The following SPAG16 variants were observed in gnomAD, a reference collection of about 807,000 sequenced individuals.
SPAG16 encodes the protein sperm associated antigen 16.
In SPAG16, 86 loss-of-function variants were observed where a neutral mutation model predicts 80.4. The observed-to-expected ratio is 1.07, with a 90% CI of 0.90 to 1.28. SPAG16 has a LOEUF of 1.28. SPAG16 is among the 50% of genes most tolerant of loss of function. SPAG16 has a pLI of 0.00. For synonymous variants in SPAG16, 294 were observed against 265.9 expected (o/e 1.11, Z -1.03); for missense variants, 870 against 765.3 (o/e 1.14, Z -1.61).
intron 9 of SPAG16, among the ~76,000 whole-genome samples, chr2:213,384,798 A>G (rs1421050254): frequency 6.6e-6 from 1 of 152,208 alleles, no homozygotes; most frequent in Non-Finnish European, 1.5e-5. Context: ...CTGGTCGTAC[A>G]GATTGAACAT....
chr2:213,900,659 T>C (rs1328524392), intron 11 of SPAG16, among the ~76,000 whole-genome samples: 1 of 152,190 alleles, frequency 6.6e-6, no homozygotes, highest in South Asian at 2.1e-4. Flanking sequence ...TTTAGACTAA[T>C]TGTTCTGTTA....
chr2:213,851,727 G>A (rs1011628003), intron 10 of SPAG16, among the ~76,000 whole-genome samples: 2 of 152,118 alleles, frequency 1.3e-5, no homozygotes, highest in African/African-American at 4.8e-5. Flanking sequence ...TATACAATAT[G>A]TATAAGGTTG....
chr2:213,448,479 T>G (rs2071484245), intron 9 of SPAG16, among the ~76,000 whole-genome samples: 1 of 152,188 alleles, frequency 6.6e-6, no homozygotes, highest in Non-Finnish European at 1.5e-5. Flanking sequence ...GTAGTAAATT[T>G]TGGAATCATG....
At chr2:213,374,558 T>G (rs1416216942) in intron 8 of SPAG16, among the ~76,000 whole-genome samples, 1 of 152,016 alleles carries the variant, frequency 6.6e-6, no homozygotes. Context: ...TTTTGAATAT[T>G]ACCCTGTGTT....
chr2:214,002,823 G>T (rs2046853859), intron 12 of SPAG16, among the ~76,000 whole-genome samples: 1 of 152,108 alleles, frequency 6.6e-6, no homozygotes, highest in African/African-American at 2.4e-5. Flanking sequence ...ATTGGCGAGG[G>T]ACATCTCCTT....
intron 14 of SPAG16, among the ~76,000 whole-genome samples, chr2:214,131,897 G>A (rs185066714): frequency 5.7e-4 from 86 of 152,184 alleles, no homozygotes; most frequent in Non-Finnish European, 1.0e-3. Flanking sequence ...CCCATAGAAC[G>A]TACACCACCA....
chr2:213,935,421 A>G (rs1040033813), intron 12 of SPAG16, among the ~76,000 whole-genome samples: 2 of 152,134 alleles, frequency 1.3e-5, no homozygotes, highest in African/African-American at 4.8e-5. Flanking sequence ...TTTTCTGCTG[A>G]TAATAGATGG....
At chr2:213,579,175 T>C (rs78205250) in intron 10 of SPAG16, among the ~76,000 whole-genome samples, 1,851 of 152,296 alleles carry the variant, frequency 0.012, 18 homozygotes, top group South Asian at 0.049. Context: ...TGAGTTTGTT[T>C]ATTGTATAAA....
intron 15 of SPAG16, among the ~76,000 whole-genome samples, chr2:214,370,748 G>A (rs915011466): frequency 5.9e-5 from 9 of 152,168 alleles, no homozygotes; most frequent in African/African-American, 2.2e-4. Context: ...ATGGAGAGAC[G>A]TTTGTCAAAG....
At chr2:213,551,574 G>A (rs977285234) in intron 10 of SPAG16, among the ~76,000 whole-genome samples, 1 of 152,052 alleles carries the variant, frequency 6.6e-6, no homozygotes, top group Non-Finnish European at 1.5e-5. Context: ...ATCTGTGCAG[G>A]TTTCTATTCA....
chr2:213,320,241 A>C (rs1036939338), intron 5 of SPAG16, among the ~76,000 whole-genome samples: 1 of 151,962 alleles, frequency 6.6e-6, no homozygotes, highest in African/African-American at 2.4e-5. Context: ...ACATACATTT[A>C]TATATGATAA....
In SPAG16 at chr2:214,074,233, A is replaced by G. The variant is rs950239788; in HGVS notation, c.1528-33963A>G. Among the ~76,000 whole-genome samples the G allele has an allele frequency of 3.9e-4, 60 of 152,168 alleles. 2 individuals carry two copies. Among genetic ancestry groups the G allele is most frequent in the Admixed American group, 2.0e-4 (3 of 15,268 alleles). On this transcript the variant is annotated intron_variant, in intron 13 of 15. Coordinates refer to ENST00000331683, the MANE Select transcript of SPAG16 (RefSeq NM_024532.5). ...CAGCCTCCAGAACTGTGAGAAATAA[A>G]TTTCTATGTTCATGAACCACTAAGT...
chr2:213,451,744 G>C (rs1249154780), intron 9 of SPAG16, among the ~76,000 whole-genome samples: 1 of 152,178 alleles, frequency 6.6e-6, no homozygotes, highest in Non-Finnish European at 1.5e-5. Flanking sequence ...CTGAAGAACT[G>C]GTTAGGACCG....
intron 15 of SPAG16, among the ~76,000 whole-genome samples, chr2:214,258,384 A>G (rs1238262319): frequency 6.6e-6 from 1 of 150,532 alleles, no homozygotes; most frequent in African/African-American, 2.4e-5. Flanking sequence ...GTGGTCTCCA[A>G]CTCCATCCAA....
intron 10 of SPAG16, among the ~76,000 whole-genome samples, chr2:213,536,891 T>C (rs1252963886): frequency 2.0e-5 from 3 of 151,978 alleles, no homozygotes; most frequent in Non-Finnish European, 4.4e-5. Context: ...CTATTCACAA[T>C]AGCAAAGACT....
chr2:213,830,799 C>T (rs1269354861), intron 10 of SPAG16, among the ~76,000 whole-genome samples: 1 of 151,990 alleles, frequency 6.6e-6, no homozygotes, highest in Non-Finnish European at 1.5e-5. Flanking sequence ...CACAAATTTC[C>T]CAAATCTGAA....
intron 9 of SPAG16, among the ~76,000 whole-genome samples, chr2:213,379,779 G>A (rs1321507947): frequency 6.6e-6 from 1 of 152,176 alleles, no homozygotes; most frequent in Non-Finnish European, 1.5e-5. Flanking sequence ...CTCAGCAGTA[G>A]CCATAACCAG....
chr2:213,835,390 G>A (rs898243033), intron 10 of SPAG16, among the ~76,000 whole-genome samples: 2 of 152,076 alleles, frequency 1.3e-5, no homozygotes, highest in East Asian at 1.9e-4. Context: ...CCCACACTGC[G>A]AGCTTGTCTC....
intron 10 of SPAG16, among the ~76,000 whole-genome samples, chr2:213,846,810 TCA>T (rs1375563720): frequency 2.0e-5 from 3 of 152,204 alleles, no homozygotes; most frequent in Admixed American, 6.5e-5. Context: ...ATTTATCGCT[TCA>T]CAGTTATGTA....
Sources: allele counts gnomAD v4.1 joint callset (sites outside exome capture counted in the v4.1 genomes callset), GRCh38; gene constraint gnomAD v4.1.1; transcripts MANE v1.5; gene names NCBI Gene and HGNC (gene_info 2026-07-23, HGNC 2026-07-21).